TRMT11: variants seen among roughly 807,000 people sequenced by gnomAD.
TRMT11 encodes tRNA methyltransferase 11, also known as tRNA (guanine(10)-N(2))-methyltransferase TRMT11.
TRMT11 carries 53 observed loss-of-function variants against 62.8 expected under a neutral mutation model. The ratio of observed to expected loss-of-function variants is 0.84; its 90% confidence interval spans 0.68 to 1.06. The LOEUF is 1.06. TRMT11 is among the 50% of genes least tolerant of loss of function. TRMT11 has a pLI of 0.00. For missense variants in TRMT11, 556 were observed against 553.4 expected (o/e 1.00, Z -0.05); for synonymous variants, 188 against 190.3 (o/e 0.99, Z 0.10).
the TRMT11 span, among the ~76,000 whole-genome samples, chr6:126,271,485 T>TTATATATATATATA: frequency 2.0e-5 from 3 of 147,076 alleles, no homozygotes; most frequent in African/African-American, 7.4e-5. Context: ...CCCAAATGGT[T>TTATATATATATATA]TATATATATA....
chr6:126,096,574 C>G (rs1451553394), intron 17 of TRMT11, among the ~76,000 whole-genome samples: 1 of 151,156 alleles, frequency 6.6e-6, no homozygotes, highest in African/African-American at 2.4e-5. Flanking sequence ...TTATGAGAAT[C>G]AAATGCTTTA....
At chr6:126,242,999 C>G in the TRMT11 span, among the ~76,000 whole-genome samples, 1 of 152,172 alleles carries the variant, frequency 6.6e-6, no homozygotes, top group Non-Finnish European at 1.5e-5. Context: ...GAACAGGCAA[C>G]CTACAGAGTG....
intron 1 of TRMT11, among the ~76,000 whole-genome samples, chr6:126,181,662 T>C (rs987157750): frequency 6.6e-6 from 1 of 152,188 alleles, no homozygotes. Context: ...ATTGTGATTA[T>C]GATAGTTAAT....
intron 17 of TRMT11, among the ~76,000 whole-genome samples, chr6:126,090,476 A>G (rs1417737096): frequency 6.6e-6 from 1 of 152,224 alleles, no homozygotes; most frequent in Non-Finnish European, 1.5e-5. Context: ...TAAGGGAAGT[A>G]TATGTACACA....
chr6:125,993,807 A>G lies in TRMT11; in HGVS notation c.123A>G (p.Gln41=). Residue 41 remains glutamine, a synonymous_variant, in exon 2 of 13, where the codon CAA becomes CAG. Coordinates refer to ENST00000334379, the MANE Select transcript of TRMT11 (RefSeq NM_001031712.3). ...LLFGGQFASS[Q]ETYGKSPFWI... Reference sequence around the variant, plus strand: ...TTGGAGGTCAGTTTGCCAGCAGTCAAGAAACTTATGGAAAGGTAAGTTAAA... The same window carrying G: ...TTGGAGGTCAGTTTGCCAGCAGTCAGGAAACTTATGGAAAGGTAAGTTAAA... The G allele has an allele frequency of 6.2e-7, 1 of 1,609,440 alleles. No homozygotes were observed. The highest frequency in any genetic ancestry group is 8.5e-7 in the Non-Finnish European group (1 of 1,176,146).
At chr6:126,230,026 A>T in the TRMT11 span, among the ~76,000 whole-genome samples, 1 of 152,154 alleles carries the variant, frequency 6.6e-6, no homozygotes, top group Non-Finnish European at 1.5e-5. Context: ...TCTAACTTAT[A>T]CCAAACCTCT....
At chr6:126,053,219 C>T (rs1776268434) in intron 17 of TRMT11, among the ~76,000 whole-genome samples, 1 of 152,038 alleles carries the variant, frequency 6.6e-6, no homozygotes, top group Non-Finnish European at 1.5e-5. Flanking sequence ...TAGTGTGATC[C>T]GTCTTTCCAC....
At chr6:126,255,571 G>C in the TRMT11 span, among the ~76,000 whole-genome samples, 5 of 152,012 alleles carry the variant, frequency 3.3e-5, no homozygotes, top group African/African-American at 1.2e-4. Context: ...TCATATCATT[G>C]CCTTTTATGG....
At position 125,998,210 on chromosome 6, in the gene TRMT11, C is replaced by T. The variant is rs1358611696; in HGVS notation, c.295-13C>T. 2 of 1,597,918 alleles carry T rather than the reference C, an allele frequency of 1.3e-6. No homozygotes were observed. The highest frequency in any genetic ancestry group is 1.7e-5 in the Admixed American group (1 of 59,678). The stretch of plus-strand genomic sequence containing the variant: ...ATTAAAATACTCAAAAAACTGATTT[C>T]CTTTTATTTTAGGTTCCATTTCTAC... On this transcript the variant is annotated splice_polypyrimidine_tract_variant and intron_variant, in intron 4 of 12. Transcript: ENST00000334379.
chr6:126,168,473 C>G (rs1051670449), intron 21 of TRMT11, among the ~76,000 whole-genome samples: 1 of 152,082 alleles, frequency 6.6e-6, no homozygotes, highest in Non-Finnish European at 1.5e-5. Context: ...ATCATATTGG[C>G]CATTATGTTA....
intron 3 of TRMT11, among the ~76,000 whole-genome samples, chr6:126,200,630 C>A (rs545018386): frequency 6.6e-6 from 1 of 152,296 alleles, no homozygotes; most frequent in African/African-American, 2.4e-5. Flanking sequence ...TCTCGGCTCA[C>A]TGCAAGCTCC....
At chr6:126,084,758 C>T (rs796464884) in intron 17 of TRMT11, among the ~76,000 whole-genome samples, 10 of 152,192 alleles carry the variant, frequency 6.6e-5, no homozygotes, top group African/African-American at 2.4e-4. Flanking sequence ...TTGTTTCAGC[C>T]TTAAGAAGAA....
chr6:126,115,957 C>G (rs1035305603), intron 21 of TRMT11, among the ~76,000 whole-genome samples: 17 of 151,876 alleles, frequency 1.1e-4, no homozygotes, highest in East Asian at 3.9e-4. Context: ...TGGGCTCCCC[C>G]CTCCAAGATT....
Position 126,180,647 on chromosome 6 carries a change from C to T in TRMT11, n.143+3312C>T, listed in dbSNP as rs1335728317. Among the ~76,000 whole-genome samples, 3 of 152,202 alleles carry T rather than the reference C, an allele frequency of 2.0e-5. No individual in the cohort carries two copies. The East Asian group carries it at 5.8e-4, about 29-fold the overall frequency. On this transcript the variant is annotated intron_variant and non_coding_transcript_variant, in intron 1 of 3. Transcript: ENST00000444229. The stretch of plus-strand genomic sequence containing the variant: ...AAGAATGATTCATATACTTTTAAGA[C>T]AGTATTCAAATCAATGAGTTACTAT...
chr6:126,262,924 C>T, the TRMT11 span, among the ~76,000 whole-genome samples: 1 of 151,994 alleles, frequency 6.6e-6, no homozygotes, highest in African/African-American at 2.4e-5. Context: ...CTAGTCAAAA[C>T]ATTTTTATTT....
rs375870918 is a variant in TRMT11, at chr6:126,013,077, A to T, written c.1115A>T (p.Tyr372Phe). 1 of 1,613,660 alleles carries T rather than the reference A, an allele frequency of 6.2e-7. No individual in the cohort carries two copies. Among genetic ancestry groups the T allele is most frequent in the Non-Finnish European group, 8.5e-7 (1 of 1,179,866 alleles). The part of the protein sequence containing the change: ...ETLVLGGRLV[Y>F]WLPVYTPEYT... ...CTCGTTTTAGGTGGAAGACTAGTCT[A>T]TTGGTTACCGGTGTATACGCCAGAG... The change falls in exon 11 of 13, where the codon TAT (tyrosine) becomes TTT (phenylalanine). Residue 372 changes from tyrosine (Y) to phenylalanine (F), a missense_variant. Transcript: ENST00000334379.
chr6:126,250,551 G>A, the TRMT11 span, among the ~76,000 whole-genome samples: 3 of 152,214 alleles, frequency 2.0e-5, no homozygotes, highest in Admixed American at 1.3e-4. Flanking sequence ...CTGTATCTTT[G>A]TTCTCCTTTT....
chr6:126,193,475 G>A (rs1778627137), intron 1 of TRMT11, among the ~76,000 whole-genome samples: 2 of 143,886 alleles, frequency 1.4e-5, no homozygotes, highest in South Asian at 4.3e-4. Context: ...GGTTATTTAA[G>A]AGGAGCGTTT....
intron 21 of TRMT11, among the ~76,000 whole-genome samples, chr6:126,151,818 C>CTTTG (rs1169729231): frequency 9.6e-6 from 1 of 104,656 alleles, no homozygotes; most frequent in African/African-American, 3.6e-5. Flanking sequence ...TTCTTTCTTT[C>CTTTG]TTTCTTTCTT....
Sources: allele counts gnomAD v4.1 joint callset (sites outside exome capture counted in the v4.1 genomes callset), GRCh38; gene constraint gnomAD v4.1.1; transcripts MANE v1.5; gene names NCBI Gene and HGNC (gene_info 2026-07-23, HGNC 2026-07-21).